Variants in NKX3-2 observed in about 807,000 individuals in gnomAD.
The protein encoded by NKX3-2 is homeobox protein Nkx-3.2.
In NKX3-2, 13 loss-of-function variants were observed where a neutral mutation model predicts 19.4. The ratio of observed to expected loss-of-function variants is 0.67; its 90% CI spans 0.44 to 1.07. The LOEUF (loss-of-function observed/expected upper bound fraction) is 1.07. NKX3-2 is among the 50% of genes least tolerant of loss of function. The probability of loss-of-function intolerance (pLI) is 0.00; values close to 1 mark genes in which losing one functional copy is unlikely to be tolerated. For missense variants in NKX3-2, 562 were observed against 488.2 expected, an observed-to-expected ratio of 1.15 and a Z score of -1.42; for synonymous variants, 269 against 230.5, an observed-to-expected ratio of 1.17 and a Z score of -1.51.
chr4:13,542,455 C>A lies in NKX3-2; in HGVS notation c.540G>T (p.Gly180=). ...GCCCGCTGCCGCCCCCGCCGCCGGC[C>A]CCGCTGCACAGCGCGGACACGTGTG... ...RGAHVSALCS[G]AGGGGGSGPA... Residue 180 remains glycine, a synonymous_variant, in exon 2 of 2, where the codon GGG becomes GGT. Coordinates refer to ENST00000382438, the MANE Select transcript of NKX3-2 (RefSeq NM_001189.4). This position sits in a 1 kb window ranked among gnomAD's most constrained non-coding sequence, Gnocchi z 6.4. The A allele has an allele frequency of 6.3e-7, 1 of 1,583,128 alleles. No individual in the cohort carries two copies. The highest frequency in any genetic ancestry group is 8.5e-7 in the Non-Finnish European group (1 of 1,172,692).
At position 13,541,935 on chromosome 4, in the gene NKX3-2, T is replaced by C. The variant is rs1717994520; in HGVS notation, c.*58A>G. On this transcript the variant is annotated 3_prime_UTR_variant, in exon 2 of 2. Transcript: ENST00000382438. ...CCGTGCAGGCTACAGCCTACAGCTG[T>C]CAGCGCCGGTCCGGAGCCGGAGCGC... 1 of 1,548,016 alleles carries C rather than the reference T, an allele frequency of 6.5e-7. No individual in the cohort carries two copies. Among genetic ancestry groups the C allele is most frequent in the Admixed American group, 2.0e-5 (1 of 50,970 alleles).
upstream of NKX3-2, chr4:13,546,070 TTAA>T (rs1718126819): frequency 6.6e-6 from 1 of 152,248 alleles, no homozygotes; most frequent in Non-Finnish European, 1.5e-5. Flanking sequence ...ACTTGAACCA[TTAA>T]ATACATTTAA....
In NKX3-2 at chr4:13,541,989, G is replaced by A. The variant is rs538230922; in HGVS notation, c.*4C>T. On this transcript the variant is annotated 3_prime_UTR_variant, in exon 2 of 2. Coordinates refer to ENST00000382438, the MANE Select transcript of NKX3-2 (RefSeq NM_001189.4). Reference sequence around the variant, plus strand: ...AATCACTCGCTGCCTCAGCCCAAGCGGGTTCACTGGGTGCCTGCGGCAGCT... The same window carrying A: ...AATCACTCGCTGCCTCAGCCCAAGCAGGTTCACTGGGTGCCTGCGGCAGCT... 6.3e-6 allele frequency: 10 copies of A among 1,577,642 alleles called. No homozygotes were observed. Among genetic ancestry groups the A allele is most frequent in the Middle Eastern group, 1.7e-4 (1 of 5,942 alleles).
chr4:13,541,960 CG>C lies in NKX3-2; in HGVS notation c.*32del. 1 of 1,557,162 alleles carries C rather than the reference CG, an allele frequency of 6.4e-7. No homozygotes were observed. Among genetic ancestry groups the C allele is most frequent in the Non-Finnish European group, 8.7e-7 (1 of 1,151,252 alleles). ...TCAGCGCCGGTCCGGAGCCGGAGCG[CG>C]GGAATCACTCGCTGCCTCAGCCCAA... On this transcript the variant is annotated 3_prime_UTR_variant, in exon 2 of 2. Transcript: ENST00000382438.
Position 13,541,590 on chromosome 4 carries a change from T to G in NKX3-2, c.*403A>C, listed in dbSNP as rs900642899. The G allele has an allele frequency of 5.0e-6, 1 of 198,410 alleles. No individual in the cohort carries two copies. Among genetic ancestry groups the G allele is most frequent in the African/African-American group, 2.3e-5 (1 of 42,996 alleles). The allele number at this position is 198,410 out of a possible 1,614,324, so 12.3% of individuals were successfully genotyped here. ...GATACCATGAACTAGTGTGGCCTAG[T>G]GCAGAAAGCTCCCAGCAGGCCTGAA... On this transcript the variant is annotated 3_prime_UTR_variant, in exon 2 of 2. Transcript: ENST00000382438.
rs2109005027 is a variant in NKX3-2 at position 13,543,036 on chromosome 4, T to C, written c.467-508A>G. ...ATCCTGGGGCCAAAGGTATTTAGAA[T>C]CTTTCACCCTCAGCCGCCTGGGATT... On this transcript the variant is annotated intron_variant, in intron 1 of 1. Transcript: ENST00000382438. The surrounding 1 kb of genome is among the most constrained non-coding windows in gnomAD (Gnocchi z 7.1). Among the ~76,000 whole-genome samples, 1 of 151,958 alleles carries C rather than the reference T, an allele frequency of 6.6e-6. No individual in the cohort carries two copies. The highest frequency in any genetic ancestry group is 2.0e-4 in the East Asian group (1 of 5,126).
At position 13,544,336 on chromosome 4, in the gene NKX3-2, G is replaced by A; in HGVS notation, c.79C>T (p.Leu27=). The A allele has an allele frequency of 2.6e-6, 4 of 1,532,758 alleles. No individual in the cohort carries two copies. Among genetic ancestry groups the A allele is most frequent in the Admixed American group, 2.0e-5 (1 of 49,160 alleles). 94.9% of individuals were successfully genotyped at this position (1,532,758 alleles called of 1,614,324 possible). A position where few individuals can be genotyped will look rare whatever the true frequency, so the allele number is the denominator to read the frequency against. The change falls in exon 1 of 2, where the codon CTG becomes TTG. Residue 27 remains leucine (L), a synonymous_variant. Coordinates refer to ENST00000382438, the MANE Select transcript of NKX3-2 (RefSeq NM_001189.4). ...GCCGGGCGCCCCTCTGGCGCGGCCA[G>A]CCCGCCGCGCTCCTCTTTCTTGTTG... ...ILNKKEERGG[L]AAPEGRPAPG...
chr4:13,546,565 C>T (rs1490886809), upstream of NKX3-2: 4 of 282,118 alleles, frequency 1.4e-5, no homozygotes, highest in African/African-American at 6.6e-5. Flanking sequence ...GAGATTGACA[C>T]TGGTTGCCTG....
In NKX3-2 at chr4:13,541,168, G is replaced by T. The variant is rs1175326267; in HGVS notation, c.*825C>A. The T allele has an allele frequency of 6.6e-6, 1 of 152,232 alleles. No homozygotes were observed. The highest frequency in any genetic ancestry group is 2.4e-5 in the African/African-American group (1 of 41,458). The allele number at this position is 152,232 out of a possible 1,614,324, so 9.4% of individuals were successfully genotyped here. A position where few individuals can be genotyped will look rare whatever the true frequency, so the allele number is the denominator to read the frequency against. On this transcript the variant is annotated 3_prime_UTR_variant, in exon 2 of 2. Transcript: ENST00000382438. ...TCATTTGAATACAAACAACTGAAAA[G>T]TGCGACACGTCTTAACCTCCTTTAC... is the stretch of plus-strand genomic sequence containing the variant.
upstream of NKX3-2, among the ~76,000 whole-genome samples, chr4:13,545,812 G>C (rs576092777): frequency 4.6e-5 from 7 of 152,062 alleles, no homozygotes; most frequent in South Asian, 1.0e-3. Flanking sequence ...AGATATGTTT[G>C]TTTGCTTAGA....
Position 13,542,014 on chromosome 4 carries a change from T to C in NKX3-2, c.981A>G (p.Ala327=), listed in dbSNP as rs2109004273. The C allele has an allele frequency of 6.3e-7, 1 of 1,593,166 alleles. No homozygotes were observed. The highest frequency in any genetic ancestry group is 1.1e-5 in the South Asian group (1 of 88,138). Residue 327 remains alanine, a synonymous_variant, in exon 2 of 2, where the codon GCA becomes GCG. Coordinates refer to ENST00000382438, the MANE Select transcript of NKX3-2 (RefSeq NM_001189.4). The surrounding 1 kb of genome is among the most constrained non-coding windows in gnomAD (Gnocchi z 6.4). ...CLPGWALSTC[A]AAAGTQ Reference sequence around the variant, plus strand: ...GGGTTCACTGGGTGCCTGCGGCAGCTGCGCAGGTGGAGAGCGCCCAGCCTG... The same window carrying C: ...GGGTTCACTGGGTGCCTGCGGCAGCCGCGCAGGTGGAGAGCGCCCAGCCTG...
rs1718025640 is a variant in NKX3-2, at chr4:13,542,888, T to A, written c.467-360A>T. 6.6e-6 allele frequency among the ~76,000 whole-genome samples: 1 copy of A among 152,018 alleles called. No individual in the cohort carries two copies. The highest frequency in any genetic ancestry group is 2.4e-5 in the African/African-American group (1 of 41,420). On this transcript the variant is annotated intron_variant, in intron 1 of 1. Coordinates refer to ENST00000382438, the MANE Select transcript of NKX3-2 (RefSeq NM_001189.4). The surrounding 1 kb of genome is among the most constrained non-coding windows in gnomAD (Gnocchi z 6.4). ...CTCTCAGCGTTGAGCATTGGGATTC[T>A]AGACTGCATTTCCGTCTCTCTGCTT... is the stretch of plus-strand genomic sequence containing the variant.
At position 13,544,145 on chromosome 4, in the gene NKX3-2, G is replaced by A. The variant is rs1364101295; in HGVS notation, c.270C>T (p.Gly90=). 6.2e-7 allele frequency: 1 copy of A among 1,605,696 alleles called. No individual in the cohort carries two copies. The highest frequency in any genetic ancestry group is 1.7e-5 in the Admixed American group (1 of 59,752). Reference sequence around the variant, plus strand: ...CGCTGAGCGCGGAGTCCGAGTCCCAGCCTTCCGGGCTCTCCGCAGTCCGCC... The same window carrying A: ...CGCTGAGCGCGGAGTCCGAGTCCCAACCTTCCGGGCTCTCCGCAGTCCGCC... ...AAGRTAESPE[G]WDSDSALSEE... The change falls in exon 1 of 2, where the codon GGC becomes GGT. Residue 90 remains glycine (G), a synonymous_variant. Transcript: ENST00000382438.
chr4:13,542,378 T>C lies in NKX3-2; in HGVS notation c.617A>G (p.Lys206Arg), dbSNP rs983404308. ...GGAGAAAGCGGCCCGCGAGCGCTTC[T>C]TGCGTGGCTTGGGCGCCGCCGGCTC... is the stretch of plus-strand genomic sequence containing the variant. ...EEEPAAPKPR[K>R]KRSRAAFSHA... The change falls in exon 2 of 2, where the codon AAG (lysine) becomes AGG (arginine). Residue 206 changes from lysine (K) to arginine (R), a missense_variant. Lys to Arg is a conservative substitution (Grantham distance 26, BLOSUM62 2). Transcript: ENST00000382438. The surrounding 1 kb of genome is among the most constrained non-coding windows in gnomAD (Gnocchi z 6.4). 16 of 1,513,952 alleles carry C rather than the reference T, an allele frequency of 1.1e-5. No individual in the cohort carries two copies. In the African/African-American group the frequency reaches 1.3e-4, roughly 12 times the overall value. The allele number at this position is 1,513,952 out of a possible 1,614,324, so 93.8% of individuals were successfully genotyped here.
At position 13,540,967 on chromosome 4, in the gene NKX3-2, A is replaced by T. The variant is rs1717969358; in HGVS notation, c.*1026T>A. 1 of 152,260 alleles carries T rather than the reference A, an allele frequency of 6.6e-6. No homozygotes were observed. Among genetic ancestry groups the T allele is most frequent in the Non-Finnish European group, 1.5e-5 (1 of 68,084 alleles). 9.4% of individuals were successfully genotyped at this position (152,260 alleles called of 1,614,324 possible). ...GGAGGCGAAAAGCGGCGAGGTTGACAAGACAGGTGGGATCACCTGTTTAAG... is the reference window on the plus strand; with the variant it reads ...GGAGGCGAAAAGCGGCGAGGTTGACTAGACAGGTGGGATCACCTGTTTAAG... On this transcript the variant is annotated 3_prime_UTR_variant, in exon 2 of 2. Coordinates refer to ENST00000382438, the MANE Select transcript of NKX3-2 (RefSeq NM_001189.4).
Position 13,543,232 on chromosome 4 carries a change from C to G in NKX3-2, c.467-704G>C, listed in dbSNP as rs1001093555. Among the ~76,000 whole-genome samples, 4 of 152,114 alleles carry G rather than the reference C, an allele frequency of 2.6e-5. No homozygotes were observed. The highest frequency in any genetic ancestry group is 5.9e-5 in the Non-Finnish European group (4 of 68,026). ...AACTCCAGCAGAAAGGTCCAGCGGT[C>G]CCCTGTGCTTGAGGCCTACAGAAGC... On this transcript the variant is annotated intron_variant, in intron 1 of 1. Coordinates refer to ENST00000382438, the MANE Select transcript of NKX3-2 (RefSeq NM_001189.4). The surrounding 1 kb of genome is among the most constrained non-coding windows in gnomAD (Gnocchi z 7.1).
chr4:13,542,684 C>A lies in NKX3-2; in HGVS notation c.467-156G>T, dbSNP rs550550343. ...TCTGGGAGGCCCTGGGCCCGGGAGA[C>A]CAGTCTTAGACTCTTGCCCCACTGG... On this transcript the variant is annotated intron_variant, in intron 1 of 1. Transcript: ENST00000382438. This position sits in a 1 kb window ranked among gnomAD's most constrained non-coding sequence, Gnocchi z 6.4. Among the ~76,000 whole-genome samples the A allele has an allele frequency of 1.3e-5, 2 of 152,264 alleles. No individual in the cohort carries two copies. The highest frequency in any genetic ancestry group is 4.1e-4 in the South Asian group (2 of 4,824).
rs1043621564 is a variant in NKX3-2, at chr4:13,540,977, G to C, written c.*1016C>G. 2.0e-5 allele frequency: 3 copies of C among 152,264 alleles called. No individual in the cohort carries two copies. The highest frequency in any genetic ancestry group is 4.4e-5 in the Non-Finnish European group (3 of 68,112). 9.4% of individuals were successfully genotyped at this position (152,264 alleles called of 1,614,324 possible). A position where few individuals can be genotyped will look rare whatever the true frequency, so the allele number is the denominator to read the frequency against. ...AGCGGCGAGGTTGACAAGACAGGTG[G>C]GATCACCTGTTTAAGGGTAAGTGAG... On this transcript the variant is annotated 3_prime_UTR_variant, in exon 2 of 2. Transcript: ENST00000382438.
At chr4:13,546,203 A>G (rs1718128838), upstream of NKX3-2, 2 of 152,268 alleles carry the variant, frequency 1.3e-5, no homozygotes, top group Admixed American at 6.5e-5. Flanking sequence ...CGCAGAAGGA[A>G]ATACACTGAC....
Sources: allele counts gnomAD v4.1 joint callset (sites outside exome capture counted in the v4.1 genomes callset), GRCh38; gene constraint gnomAD v4.1.1; non-coding constraint Gnocchi (gnomAD v3.1); transcripts MANE v1.5; gene names NCBI Gene and HGNC (gene_info 2026-07-23, HGNC 2026-07-21).